The following ZDHHC11 variants were observed in gnomAD, a reference collection of about 807,000 sequenced individuals.
ZDHHC11 encodes the protein palmitoyltransferase ZDHHC11.
A neutral mutation model predicts 51.3 loss-of-function variants in ZDHHC11; 44 were observed. The ratio of observed to expected loss-of-function variants is 0.86; its 90% CI spans 0.67 to 1.10. The LOEUF (loss-of-function observed/expected upper bound fraction) is 1.10. Ranked by LOEUF, ZDHHC11 falls within the 50% of genes least tolerant of loss-of-function variation. The pLI is 0.00. For synonymous variants in ZDHHC11, 163 were observed against 222.0 expected, an observed-to-expected ratio of 0.73 and a Z score of 2.36; for missense variants, 400 against 537.7, an observed-to-expected ratio of 0.74 and a Z score of 2.53.
chr5:800,009 CTCT>C lies in ZDHHC11; in HGVS notation c.*7+1088_*7+1090del, dbSNP rs1378225941. 1.4e-4 allele frequency among the ~76,000 whole-genome samples: 21 copies of C among 151,492 alleles called. 1 individual carries two copies. The Middle Eastern group carries it at 0.01, about 74-fold the overall frequency. ...AACAATTTTCACAGGTTTGCTGTCT[CTCT>C]GGGCTTTCAAGGTGATGTCTATTCC... On this transcript the variant is annotated intron_variant, in intron 12 of 12. Transcript: ENST00000283441.
At chr5:801,776 A>G (rs1738459060) in intron 11 of ZDHHC11, among the ~76,000 whole-genome samples, 1 of 151,246 alleles carries the variant, frequency 6.6e-6, no homozygotes, top group African/African-American at 2.4e-5. Context: ...ATTAGACACC[A>G]GAAACACGCA....
chr5:856,753 C>T (rs866567438), intron 1 of ZDHHC11, among the ~76,000 whole-genome samples: 6 of 151,582 alleles, frequency 4.0e-5, no homozygotes, highest in Non-Finnish European at 5.9e-5. Flanking sequence ...ACACATCACG[C>T]ACACAGAATA....
intron 7 of ZDHHC11, among the ~76,000 whole-genome samples, chr5:827,642 T>C (rs557678576): frequency 1.6e-4 from 24 of 151,238 alleles, no homozygotes; most frequent in African/African-American, 4.4e-4. Flanking sequence ...AAGAGCAACA[T>C]TATACGATGA....
At chr5:827,806 ATAGGAC>A in intron 7 of ZDHHC11, among the ~76,000 whole-genome samples, 1 of 149,662 alleles carries the variant, frequency 6.7e-6, no homozygotes, top group East Asian at 1.9e-4. Flanking sequence ...TGGCAGGGTC[ATAGGAC>A]AATAGTGGAG....
chr5:815,988 C>G (rs1224861526), intron 10 of ZDHHC11, among the ~76,000 whole-genome samples: 4 of 151,378 alleles, frequency 2.6e-5, no homozygotes, highest in African/African-American at 9.7e-5. Context: ...TCGTGGATCC[C>G]AGGTGGGAAA....
chr5:858,923 C>G (rs536196831), exon 1 of ZDHHC11, among the ~76,000 whole-genome samples: 22 of 152,160 alleles, frequency 1.4e-4, no homozygotes, highest in South Asian at 4.2e-4. Context: ...CAGGTCCAGG[C>G]TGAAGAGCAA....
At chr5:835,830 C>A (rs558262722) in intron 6 of ZDHHC11, among the ~76,000 whole-genome samples, 6 of 151,840 alleles carry the variant, frequency 4.0e-5, no homozygotes, top group Admixed American at 2.0e-4. Flanking sequence ...CAAATTTATT[C>A]TTTTTTTATT....
At chr5:855,982 C>T (rs370348327), upstream of ZDHHC11, among the ~76,000 whole-genome samples, 50 of 151,736 alleles carry the variant, frequency 3.3e-4, no homozygotes, top group African/African-American at 9.4e-4. Flanking sequence ...ACAGACCCCG[C>T]GGAGGACAGC....
chr5:836,004 T>C (rs1239687834), intron 6 of ZDHHC11, among the ~76,000 whole-genome samples: 1 of 151,770 alleles, frequency 6.6e-6, no homozygotes, highest in Non-Finnish European at 1.5e-5. Context: ...TGTCTGCAAA[T>C]AAACACAGTT....
intron 1 of ZDHHC11, 44 bp downstream of exon 1, chr5:850,337 C>G (rs1416573638): frequency 6.3e-7 from 1 of 1,592,422 alleles, no homozygotes; most frequent in Non-Finnish European, 8.6e-7. Flanking sequence ...CAAGTTCCTC[C>G]AGGAACCCCT....
intron 11 of ZDHHC11, among the ~76,000 whole-genome samples, chr5:806,484 G>A (rs2455351): frequency 0.17 from 24,570 of 145,622 alleles, 2,706 homozygotes; most frequent in East Asian, 0.36. Context: ...TTGTGAAAAG[G>A]TTCATTAATC....
rs564963779 is a variant in ZDHHC11, at chr5:815,290, A to G, written c.1147-495T>C. The stretch of plus-strand genomic sequence containing the variant: ...CTTCCAGCCTGCAGATATGTGAGAA[A>G]ATACATTTCTTGTTCCAACACCCCA... On this transcript the variant is annotated intron_variant, in intron 10 of 12. Coordinates refer to ENST00000283441, the MANE Select transcript of ZDHHC11 (RefSeq NM_024786.3). 4.0e-5 allele frequency among the ~76,000 whole-genome samples: 6 copies of G among 151,282 alleles called. 1 individual carries two copies. Among genetic ancestry groups the G allele is most frequent in the African/African-American group, 1.5e-4 (6 of 41,290 alleles).
intron 9 of ZDHHC11, among the ~76,000 whole-genome samples, chr5:820,170 C>T (rs1033723052): frequency 6.6e-6 from 1 of 151,284 alleles, no homozygotes; most frequent in African/African-American, 2.4e-5. Flanking sequence ...TTAATCTTGC[C>T]CAAAATGCAT....
Position 831,147 on chromosome 5 carries a change from A to G in ZDHHC11, c.935+2626T>C, listed in dbSNP as rs192253422. ...TTAGCTTAATTTATCTTTATTTTAA[A>G]TAAGTACCTTCTGCACAGGAAAAGA... On this transcript the variant is annotated intron_variant, in intron 7 of 12. Transcript: ENST00000283441. Among the ~76,000 whole-genome samples, 858 of 149,536 alleles carry G rather than the reference A, an allele frequency of 5.7e-3. 62 individuals carry two copies. The highest frequency in any genetic ancestry group is 0.02 in the African/African-American group (814 of 40,836).
intron 10 of ZDHHC11, chr5:816,392 G>C (rs1248428191): frequency 2.4e-6 from 1 of 410,264 alleles, no homozygotes; most frequent in South Asian, 1.9e-5. Context: ...TAGCGCAGGC[G>C]GTGGTGGGGT....
chr5:827,648 G>A (rs56804895), intron 7 of ZDHHC11, among the ~76,000 whole-genome samples: 21,502 of 149,838 alleles, frequency 0.14, 1,100 homozygotes, highest in African/African-American at 0.23. Flanking sequence ...AACATTATAC[G>A]ATGATAAAAG....
chr5:859,330 T>C (rs1748668127), upstream of ZDHHC11, among the ~76,000 whole-genome samples: 1 of 152,148 alleles, frequency 6.6e-6, no homozygotes, highest in Non-Finnish European at 1.5e-5. Flanking sequence ...AAGAGCTCGC[T>C]TTGTCTGTTC....
At chr5:819,457 G>A in intron 10 of ZDHHC11, 68 bp downstream of exon 10, 6 of 1,531,028 alleles carry the variant, frequency 3.9e-6, no homozygotes, top group Non-Finnish European at 5.4e-6. Flanking sequence ...CTCAGCTTGG[G>A]GGACCTCAGA....
At chr5:809,215 C>A (rs1477873699) in intron 11 of ZDHHC11, among the ~76,000 whole-genome samples, 4 of 143,466 alleles carry the variant, frequency 2.8e-5, no homozygotes, top group African/African-American at 7.9e-5. Flanking sequence ...CTCTGGTCTG[C>A]CGCATTTCAG....
Sources: allele counts gnomAD v4.1 joint callset (sites outside exome capture counted in the v4.1 genomes callset), GRCh38; gene constraint gnomAD v4.1.1; transcripts MANE v1.5; gene names NCBI Gene and HGNC (gene_info 2026-07-23, HGNC 2026-07-21).